The following SLC16A2 variants were observed in gnomAD, a reference collection of about 807,000 sequenced individuals.
SLC16A2 encodes the protein monocarboxylate transporter 8.
SLC16A2 carries 3 observed loss-of-function variants against 27.2 expected under a neutral mutation model. That is an observed-to-expected ratio of 0.11 (90% confidence interval 0.05 to 0.28). SLC16A2 has a LOEUF of 0.28. Ranked by LOEUF, SLC16A2 falls within the 10% of genes least tolerant of loss-of-function variation. The pLI, the probability that SLC16A2 is intolerant of heterozygous loss-of-function variation, is 1.00. For missense variants in SLC16A2, 295 were observed against 458.5 expected (o/e 0.64, Z 3.26); for synonymous variants, 202 against 187.8 (o/e 1.08, Z -0.62).
chrX:74,480,810 G>T (rs1405391557), intron 1 of SLC16A2, among the ~76,000 whole-genome samples: 2 of 112,043 alleles, frequency 1.8e-5, no homozygotes, highest in African/African-American at 6.5e-5. Context: ...TTGTCTTGTT[G>T]TTTATCTTAC....
intron 1 of SLC16A2, among the ~76,000 whole-genome samples, chrX:74,422,574 C>A (rs954528804): frequency 9.0e-6 from 1 of 110,819 alleles, no homozygotes; most frequent in African/African-American, 3.3e-5. Flanking sequence ...GTTAAAAACA[C>A]TTTAGGAATC....
At chrX:74,460,609 C>T (rs1486432793) in intron 1 of SLC16A2, among the ~76,000 whole-genome samples, 2 of 112,138 alleles carry the variant, frequency 1.8e-5, no homozygotes, top group Middle Eastern at 4.6e-3. Context: ...TGGCCTGTAC[C>T]CAGGGTCTAG....
intron 1 of SLC16A2, among the ~76,000 whole-genome samples, chrX:74,500,970 C>T (rs1030120043): frequency 4.6e-5 from 5 of 108,808 alleles, no homozygotes; most frequent in Non-Finnish European, 9.6e-5. Flanking sequence ...TATGTTTCCC[C>T]CCATTTATGT....
In SLC16A2 at chrX:74,524,739, G is replaced by A. The variant is rs1489135756; in HGVS notation, c.956G>A (p.Arg319His). 2 of 1,209,690 alleles carry A rather than the reference G, an allele frequency of 1.7e-6. No homozygotes were observed. Among genetic ancestry groups the A allele is most frequent in the Non-Finnish European group, 2.2e-6 (2 of 895,230 alleles). Residue 319 changes from arginine to histidine, a missense_variant, in exon 3 of 6, where the codon CGC becomes CAC. Transcript: ENST00000587091. ...TTCAACATGCGAGTGTTCCGCCAAC[G>A]CACTTACCGCATCTGGGCCTTCGGA... The part of the protein sequence containing the change: ...KYFNMRVFRQ[R>H]TYRIWAFGIA...
At chrX:74,506,928 TATTTATTTA>T (rs1368966803) in intron 1 of SLC16A2, among the ~76,000 whole-genome samples, 1 of 30,250 alleles carries the variant, frequency 3.3e-5, no homozygotes, top group African/African-American at 6.0e-5. Flanking sequence ...TTTATTTATT[TATTTATTTA>T]TTTTTTTTTT....
At chrX:74,463,085 G>C (rs766874824) in intron 1 of SLC16A2, among the ~76,000 whole-genome samples, 2 of 111,472 alleles carry the variant, frequency 1.8e-5, no homozygotes, top group Non-Finnish European at 3.8e-5. Context: ...CAACTCTAGA[G>C]ATTCTTCAGA....
Position 74,524,465 on chromosome X carries a change from C to T in SLC16A2, c.682C>T (p.Leu228=), listed in dbSNP as rs1351611255. 8.3e-7 allele frequency: 1 copy of T among 1,212,026 alleles called. No homozygotes were observed. Among genetic ancestry groups the T allele is most frequent in the South Asian group, 1.8e-5 (1 of 56,983 alleles). ...CCTGGGCCACTACTTTCAACGCCGC[C>T]TGGGTCTGGCCAATGGTGTGGTGTC... ...VILGHYFQRR[L]GLANGVVSAG... Residue 228 remains leucine (L), a synonymous_variant, in exon 3 of 6, where the codon CTG becomes TTG. Transcript: ENST00000587091.
At chrX:74,473,824 T>C (rs1406972144) in intron 1 of SLC16A2, 9 of 529,239 alleles carry the variant, frequency 1.7e-5, no homozygotes, top group Middle Eastern at 5.3e-4. Context: ...CCACACAGTC[T>C]GTGAGCATTC....
At chrX:74,439,707 G>T (rs1306595668) in intron 1 of SLC16A2, among the ~76,000 whole-genome samples, 1 of 108,808 alleles carries the variant, frequency 9.2e-6, no homozygotes, top group Admixed American at 1.0e-4. Flanking sequence ...TGGGGGAGTG[G>T]GGGGTGGTAC....
chrX:74,506,117 T>C (rs1426586964), intron 1 of SLC16A2, among the ~76,000 whole-genome samples: 2 of 111,836 alleles, frequency 1.8e-5, no homozygotes, highest in South Asian at 3.8e-4. Context: ...TGCCCAGTTC[T>C]AATTTCACAC....
intron 1 of SLC16A2, among the ~76,000 whole-genome samples, chrX:74,425,700 T>TA (rs1928390572): frequency 9.0e-6 from 1 of 111,409 alleles, no homozygotes; most frequent in African/African-American, 3.3e-5. Context: ...GCAATAGGGT[T>TA]AGGGTTGGGA....
intron 1 of SLC16A2, among the ~76,000 whole-genome samples, chrX:74,474,248 A>G (rs990895962): frequency 3.6e-5 from 4 of 111,413 alleles, no homozygotes; most frequent in African/African-American, 1.3e-4. Flanking sequence ...TCCTCCGACA[A>G]TATTTTGTAG....
chrX:74,432,825 C>T (rs1260122810), intron 1 of SLC16A2, among the ~76,000 whole-genome samples: 2 of 111,865 alleles, frequency 1.8e-5, no homozygotes, highest in African/African-American at 3.3e-5. Flanking sequence ...CTTTCTCTCT[C>T]CCTGAACTTT....
intron 1 of SLC16A2, among the ~76,000 whole-genome samples, chrX:74,428,878 CCTGA>C (rs763240153): frequency 8.9e-6 from 1 of 111,856 alleles, no homozygotes; most frequent in Non-Finnish European, 1.9e-5. Flanking sequence ...CTTTTCAAAT[CCTGA>C]CTATCATTGT....
chrX:74,435,553 A>ATATGTATATATATATATATTT (rs1360189812), intron 1 of SLC16A2, among the ~76,000 whole-genome samples: 9 of 87,814 alleles, frequency 1.0e-4, no homozygotes, highest in African/African-American at 2.2e-4. Context: ...ATATATATAT[A>ATATGTATATATATATATATTT]TTTTTTTTTT....
chrX:74,503,266 G>A (rs1448313180), intron 1 of SLC16A2, among the ~76,000 whole-genome samples: 1 of 110,923 alleles, frequency 9.0e-6, no homozygotes, highest in Non-Finnish European at 1.9e-5. Flanking sequence ...AGGAGATGGG[G>A]AGTAGACTAG....
chrX:74,520,485 C>T (rs975955501), intron 1 of SLC16A2, among the ~76,000 whole-genome samples: 3 of 111,580 alleles, frequency 2.7e-5, no homozygotes, highest in Non-Finnish European at 5.6e-5. Context: ...CAAACATGGG[C>T]TCTGATGACG....
At chrX:74,422,599 C>A (rs1405887291) in intron 1 of SLC16A2, among the ~76,000 whole-genome samples, 1 of 110,941 alleles carries the variant, frequency 9.0e-6, no homozygotes, top group Non-Finnish European at 1.9e-5. Context: ...TGACTATGAG[C>A]GAAGAGTCAA....
chrX:74,437,851 C>G (rs113691471), intron 1 of SLC16A2, among the ~76,000 whole-genome samples: 1 of 111,285 alleles, frequency 9.0e-6, no homozygotes, highest in African/African-American at 3.3e-5. Flanking sequence ...GGACCCCCAC[C>G]CTCATCACAC....
Sources: gnomAD v4.1 joint callset for allele counts (sites outside exome capture counted in the v4.1 genomes callset) on GRCh38, gnomAD v4.1.1 for gene constraint, MANE v1.5 for transcripts, NCBI Gene and HGNC (gene_info 2026-07-23, HGNC 2026-07-21) for gene names.